BIN2: variants seen among roughly 807,000 people sequenced by gnomAD.
BIN2 encodes the protein breast cancer associated protein BRAP1.
A neutral mutation model predicts 67.9 loss-of-function variants in BIN2; 43 were observed. That is an observed-to-expected ratio of 0.63 (90% confidence interval 0.50 to 0.82). The LOEUF is 0.82. BIN2 is among the 40% of genes least tolerant of loss of function. The pLI, the probability that BIN2 is intolerant of heterozygous loss-of-function variation, is 0.00. For synonymous variants in BIN2, 244 were observed against 246.8 expected, an observed-to-expected ratio of 0.99 and a Z score of 0.11; for missense variants, 581 against 671.6, an observed-to-expected ratio of 0.87 and a Z score of 1.49.
At chr12:51,306,583 C>T (rs188859525) in intron 2 of BIN2, among the ~76,000 whole-genome samples, 14 of 152,260 alleles carry the variant, frequency 9.2e-5, no homozygotes, top group East Asian at 1.9e-4. Context: ...GCTGCAATTG[C>T]GCCATTGCAC....
intron 1 of BIN2, among the ~76,000 whole-genome samples, chr12:51,315,808 G>A (rs1322438370): frequency 6.6e-6 from 1 of 152,178 alleles, no homozygotes; most frequent in Non-Finnish European, 1.5e-5. Context: ...CCGTCATACT[G>A]ATGTCAGTGC....
chr12:51,323,399 C>G (rs1946338866), intron 1 of BIN2: 1 of 149,974 alleles, frequency 6.7e-6, no homozygotes, highest in Non-Finnish European at 1.5e-5. Flanking sequence ...CAAGGACACA[C>G]TCTGAACACA....
At chr12:51,296,944 A>G (rs1945581734) in intron 8 of BIN2, 145 bp downstream of exon 8, 1 of 675,122 alleles carries the variant, frequency 1.5e-6, no homozygotes, top group Non-Finnish European at 2.5e-6. Context: ...TAAGTACACA[A>G]TCAAGTGCTC....
rs1489918968 is a variant in BIN2, at chr12:51,324,007, G to C, written c.81+15C>G. On this transcript the variant is annotated intron_variant, in intron 1 of 12. Coordinates refer to ENST00000615107, the MANE Select transcript of BIN2 (RefSeq NM_016293.4). ...TCCCTGTGGGCCAGACAGACAGCGA[G>C]GCCCGGCCACCTACCTTCTCCTGGG... The C allele has an allele frequency of 6.2e-7, 1 of 1,612,506 alleles. No individual in the cohort carries two copies. The highest frequency in any genetic ancestry group is 8.5e-7 in the Non-Finnish European group (1 of 1,179,266).
At chr12:51,312,978 A>T (rs942709002) in intron 2 of BIN2, among the ~76,000 whole-genome samples, 10 of 152,160 alleles carry the variant, frequency 6.6e-5, no homozygotes, top group Non-Finnish European at 1.2e-4. Flanking sequence ...CATGCCTGTA[A>T]TCCCAGCACT....
chr12:51,303,555 C>T lies in BIN2; in HGVS notation c.163-414G>A, dbSNP rs182848030. On this transcript the variant is annotated intron_variant, in intron 2 of 12. Coordinates refer to ENST00000615107, the MANE Select transcript of BIN2 (RefSeq NM_016293.4). ...CCTCACACAGACATTCCTCTCCTCC[C>T]CAATATCCTTCTCTGACTTGTCTCA... Among the ~76,000 whole-genome samples, 228 of 152,304 alleles carry T rather than the reference C, an allele frequency of 1.5e-3. 3 individuals carry two copies. Among genetic ancestry groups the T allele is most frequent in the South Asian group, 1.2e-3 (6 of 4,818 alleles).
chr12:51,290,659 C>T (rs549079353), intron 10 of BIN2, among the ~76,000 whole-genome samples: 3 of 151,862 alleles, frequency 2.0e-5, no homozygotes, highest in South Asian at 2.1e-4. Context: ...ACCAGCTGGG[C>T]GAGGTGGCTC....
chr12:51,307,925 G>A (rs1037837969), intron 2 of BIN2, among the ~76,000 whole-genome samples: 2 of 152,094 alleles, frequency 1.3e-5, no homozygotes, highest in African/African-American at 4.8e-5. Context: ...CCATTTCTGT[G>A]TTTTAGAATG....
Position 51,299,647 on chromosome 12 carries a change from A to G in BIN2, c.476T>C (p.Val159Ala), listed in dbSNP as rs1945667458. Residue 159 changes from valine (V) to alanine (A), a missense_variant, in exon 6 of 13, where the codon GTG (valine) becomes GCG (alanine). Physicochemically the swap from Val to Ala is moderately conservative, Grantham distance 64. Transcript: ENST00000615107. ...YDSARHHLEA[V>A]QNAKKKDEAK... ...CTCATCTTTCTTCTTGGCATTCTGC[A>G]CTGCCTCCAGGTGGTGTCGGGCACT... 2 of 1,614,004 alleles carry G rather than the reference A, an allele frequency of 1.2e-6. No individual in the cohort carries two copies. The highest frequency in any genetic ancestry group is 1.7e-6 in the Non-Finnish European group (2 of 1,180,038).
intron 9 of BIN2, among the ~76,000 whole-genome samples, chr12:51,295,392 C>CAA (rs1178848004): frequency 3.8e-4 from 35 of 91,758 alleles, no homozygotes; most frequent in East Asian, 1.7e-3. Context: ...ACTAAAAATA[C>CAA]AAAAAAAAAA....
At chr12:51,314,618 G>T (rs12809352) in intron 1 of BIN2, among the ~76,000 whole-genome samples, 180 of 151,994 alleles carry the variant, frequency 1.2e-3, no homozygotes, top group African/African-American at 4.2e-3. Flanking sequence ...TGACCAGCAT[G>T]GATAAACCCC....
chr12:51,316,184 A>G (rs534348983), intron 1 of BIN2, among the ~76,000 whole-genome samples: 12 of 152,146 alleles, frequency 7.9e-5, no homozygotes, highest in Non-Finnish European at 1.3e-4. Context: ...TCTGTTCAAC[A>G]AATTTTTATT....
intron 5 of BIN2, among the ~76,000 whole-genome samples, chr12:51,300,255 TTA>T (rs1945686943): frequency 1.3e-5 from 2 of 152,086 alleles, no homozygotes; most frequent in African/African-American, 4.8e-5. Context: ...TCTGTATTAA[TTA>T]TATATATGTA....
At chr12:51,282,724 C>T (rs1162763720) in intron 12 of BIN2, among the ~76,000 whole-genome samples, 1 of 151,984 alleles carries the variant, frequency 6.6e-6, no homozygotes, top group Non-Finnish European at 1.5e-5. Context: ...ATGCCACAGC[C>T]TTCCAAGTAG....
At chr12:51,290,123 CT>C (rs1050991051) in intron 10 of BIN2, among the ~76,000 whole-genome samples, 3 of 146,520 alleles carry the variant, frequency 2.0e-5, no homozygotes, top group Admixed American at 2.0e-4. Flanking sequence ...TTAACTTTTT[CT>C]TTTTCTTTTC....
chr12:51,282,066 A>G (rs1207289964), intron 12 of BIN2, among the ~76,000 whole-genome samples: 1 of 152,098 alleles, frequency 6.6e-6, no homozygotes, highest in African/African-American at 2.4e-5. Context: ...GAATTGGGTT[A>G]ACTGATCAGG....
intron 2 of BIN2, among the ~76,000 whole-genome samples, chr12:51,309,309 C>A (rs1565685424): frequency 6.6e-6 from 1 of 152,120 alleles, no homozygotes; most frequent in Non-Finnish European, 1.5e-5. Flanking sequence ...GTGTCTTTGC[C>A]ACCCCAGGTC....
intron 2 of BIN2, 54 bp downstream of exon 2, chr12:51,313,769 G>A: frequency 6.8e-7 from 1 of 1,469,552 alleles, no homozygotes; most frequent in Non-Finnish European, 9.5e-7. Context: ...CTGCCACTCA[G>A]CCCTCGTGTC....
At chr12:51,301,965 T>C in intron 5 of BIN2, 55 bp downstream of exon 5, 1 of 1,238,852 alleles carries the variant, frequency 8.1e-7, no homozygotes, top group East Asian at 2.3e-5. Flanking sequence ...CCCAATATGT[T>C]CTCTAACCTG....
Sources: allele counts gnomAD v4.1 joint callset (sites outside exome capture counted in the v4.1 genomes callset), GRCh38; gene constraint gnomAD v4.1.1; transcripts MANE v1.5; gene names NCBI Gene and HGNC (gene_info 2026-07-23, HGNC 2026-07-21).